FZD10: variants seen among roughly 807,000 people sequenced by gnomAD.
The protein encoded by FZD10 is frizzled class receptor 10.
Under a neutral mutation model 24.4 loss-of-function variants are expected in FZD10, and 14 were observed. That is an observed-to-expected ratio of 0.57 (90% CI 0.38 to 0.90). The LOEUF (loss-of-function observed/expected upper bound fraction) is 0.90, where lower values mean the gene tolerates loss of function less well. Ranked by LOEUF, FZD10 falls within the 40% of genes least tolerant of loss-of-function variation. The pLI is 0.00. For synonymous variants in FZD10, 381 were observed against 349.1 expected (o/e 1.09, Z -1.02); for missense variants, 775 against 816.6 (o/e 0.95, Z 0.62).
At position 130,163,287 on chromosome 12, in the gene FZD10, C is replaced by T; in HGVS notation, c.345C>T (p.Leu115=). The change falls in exon 1 of 1, where the codon CTC becomes CTT. Residue 115 remains leucine, a synonymous_variant. Transcript: ENST00000229030. ...GGGTCATGTGCGAGCAGGCCCGGCT[C>T]AAGTGCTCCCCGATTATGGAGCAGT... is the stretch of plus-strand genomic sequence containing the variant. ...ACRVMCEQAR[L]KCSPIMEQFN... The T allele has an allele frequency of 1.2e-6, 2 of 1,613,142 alleles. No individual in the cohort carries two copies. Among genetic ancestry groups the T allele is most frequent in the Non-Finnish European group, 1.7e-6 (2 of 1,179,984 alleles).
rs960149062 is a variant in FZD10 at position 130,164,183 on chromosome 12, T to C, written c.1241T>C (p.Leu414Pro). The C allele has an allele frequency of 1.2e-6, 2 of 1,613,976 alleles. No individual in the cohort carries two copies. The highest frequency in any genetic ancestry group is 1.3e-5 in the African/African-American group (1 of 74,910). ...CTGGTCATCGGCACGTCCTTCATCCTCTCGGGCTTCGTGGCCCTGTTCCAC... is the reference window on the plus strand; with the variant it reads ...CTGGTCATCGGCACGTCCTTCATCCCCTCGGGCTTCGTGGCCCTGTTCCAC... ...CYLVIGTSFI[L>P]SGFVALFHIR... The change falls in exon 1 of 1, where the codon CTC becomes CCC. Residue 414 changes from leucine (L) to proline (P), a missense_variant. Physicochemically the swap from Leu to Pro is moderately conservative, Grantham distance 98 (BLOSUM62 -3). Transcript: ENST00000229030. The surrounding 1 kb of genome is among the most constrained non-coding windows in gnomAD (Gnocchi z 5.3).
Position 130,162,975 on chromosome 12 carries a change from C to T in FZD10, c.33C>T (p.Val11=). The change falls in exon 1 of 1, where the codon GTC becomes GTT. Residue 11 remains valine, a synonymous_variant. Transcript: ENST00000229030. ...GCCCGGGCCCCCGCCTGTGGCTGGTCCTGCAGGTGATGGGCTCGTGCGCCG... is the reference window on the plus strand; with the variant it reads ...GCCCGGGCCCCCGCCTGTGGCTGGTTCTGCAGGTGATGGGCTCGTGCGCCG... MQRPGPRLWL[V]LQVMGSCAAI... is the part of the protein sequence containing the mutation. 1 of 1,559,848 alleles carries T rather than the reference C, an allele frequency of 6.4e-7. No individual in the cohort carries two copies. The highest frequency in any genetic ancestry group is 8.7e-7 in the Non-Finnish European group (1 of 1,152,702).
Position 130,163,164 on chromosome 12 carries a change from G to A in FZD10, c.222G>A (p.Leu74=). The change falls in exon 1 of 1, where the codon CTG becomes CTA. Residue 74 remains leucine, a synonymous_variant. Transcript: ENST00000229030. ...AAIQLHEFAP[L]VEYGCHGHLR... ...TCCAGTTGCACGAGTTCGCGCCGCT[G>A]GTGGAGTACGGCTGCCACGGCCACC... is the stretch of plus-strand genomic sequence containing the variant. The A allele has an allele frequency of 6.2e-7, 1 of 1,612,656 alleles. No homozygotes were observed. The highest frequency in any genetic ancestry group is 8.5e-7 in the Non-Finnish European group (1 of 1,179,878).
rs1450300857 is a variant in FZD10 at position 130,165,007 on chromosome 12, C to T, written c.*319C>T. On this transcript the variant is annotated 3_prime_UTR_variant, in exon 1 of 1. Coordinates refer to ENST00000229030, the MANE Select transcript of FZD10 (RefSeq NM_007197.4). The stretch of plus-strand genomic sequence containing the variant: ...TTGTTTAGAGCCCTCCCTAAATATA[C>T]ATCTGTGTATTTGAGTTGGCTTTGC... 8.3e-6 allele frequency: 2 copies of T among 241,672 alleles called. No homozygotes were observed. The highest frequency in any genetic ancestry group is 1.7e-5 in the Non-Finnish European group (2 of 115,916). The allele number at this position is 241,672 out of a possible 1,614,324, so 15.0% of individuals were successfully genotyped here. A position where few individuals can be genotyped will look rare whatever the true frequency, so the allele number is the denominator to read the frequency against.
rs1593019753 is a variant in FZD10 at position 130,164,219 on chromosome 12, T to G, written c.1277T>G (p.Val426Gly). 6.2e-7 allele frequency: 1 copy of G among 1,613,918 alleles called. No homozygotes were observed. The change falls in exon 1 of 1, where the codon GTG (valine) becomes GGG (glycine). Residue 426 changes from valine (V) to glycine (G), a missense_variant. Coordinates refer to ENST00000229030, the MANE Select transcript of FZD10 (RefSeq NM_007197.4). This position sits in a 1 kb window ranked among gnomAD's most constrained non-coding sequence, Gnocchi z 5.3. ...GFVALFHIRR[V>G]MKTGGENTDK... ...GTGGCCCTGTTCCACATCCGGAGGG[T>G]GATGAAGACGGGCGGCGAGAACACG...
chr12:130,162,906 G>C lies in FZD10; in HGVS notation c.-37G>C. ...TGCCCGGGAGCGGCGGCGCTGAGGG[G>C]CGCGGAGCTCCCCGCGAGGACACGT... On this transcript the variant is annotated 5_prime_UTR_variant, in exon 1 of 1. Coordinates refer to ENST00000229030, the MANE Select transcript of FZD10 (RefSeq NM_007197.4). 1.4e-6 allele frequency: 2 copies of C among 1,436,384 alleles called. No homozygotes were observed. The highest frequency in any genetic ancestry group is 1.4e-5 in the South Asian group (1 of 70,512). 89.0% of individuals were successfully genotyped at this position (1,436,384 alleles called of 1,614,324 possible).
In FZD10 at chr12:130,164,368, G is replaced by A. The variant is rs1200170747; in HGVS notation, c.1426G>A (p.Ala476Thr). Residue 476 changes from alanine to threonine, a missense_variant, in exon 1 of 1, where the codon GCG becomes ACG. Ala to Thr is a moderately conservative substitution (Grantham distance 58). Coordinates refer to ENST00000229030, the MANE Select transcript of FZD10 (RefSeq NM_007197.4). The surrounding 1 kb of genome is among the most constrained non-coding windows in gnomAD (Gnocchi z 5.3). The stretch of plus-strand genomic sequence containing the variant: ...CAACATGGATTACTGGAAGATCCTG[G>A]CGGCGCAGCACAAGTGCAAAATGAA... ...RLNMDYWKIL[A>T]AQHKCKMNNQ... The A allele has an allele frequency of 2.5e-6, 4 of 1,614,106 alleles. No individual in the cohort carries two copies. In the South Asian group the frequency reaches 4.4e-5, roughly 18 times the overall value.
In FZD10 at chr12:130,164,715, G is replaced by T; in HGVS notation, c.*27G>T. 2.7e-6 allele frequency: 4 copies of T among 1,493,808 alleles called. No homozygotes were observed. The highest frequency in any genetic ancestry group is 3.6e-6 in the Non-Finnish European group (4 of 1,104,416). 92.5% of individuals were successfully genotyped at this position (1,493,808 alleles called of 1,614,324 possible). On this transcript the variant is annotated 3_prime_UTR_variant, in exon 1 of 1. Coordinates refer to ENST00000229030, the MANE Select transcript of FZD10 (RefSeq NM_007197.4). This position sits in a 1 kb window ranked among gnomAD's most constrained non-coding sequence, Gnocchi z 5.3. ...CAGGGCTGGAGGGAAGGGCACAGGG[G>T]CGCCCGGAGCTAAGATGTGGTGCTT...
chr12:130,163,712 G>A lies in FZD10; in HGVS notation c.770G>A (p.Arg257His), dbSNP rs1871733498. ...TTCCTCATCGACCCGGCCCGCTTCC[G>A]CTACCCCGAGCGCCCCATCATCTTC... is the stretch of plus-strand genomic sequence containing the variant. ...LTFLIDPARF[R>H]YPERPIIFLS... Residue 257 changes from arginine to histidine, a missense_variant, in exon 1 of 1, where the codon CGC becomes CAC. Arg to His is a conservative substitution (Grantham distance 29). Coordinates refer to ENST00000229030, the MANE Select transcript of FZD10 (RefSeq NM_007197.4). 1.2e-6 allele frequency: 2 copies of A among 1,613,784 alleles called. No individual in the cohort carries two copies. Among genetic ancestry groups the A allele is most frequent in the Non-Finnish European group, 1.7e-6 (2 of 1,180,032 alleles).
chr12:130,163,237 G>C lies in FZD10; in HGVS notation c.295G>C (p.Val99Leu), dbSNP rs1404656452. The change falls in exon 1 of 1, where the codon GTC becomes CTC. Residue 99 changes from valine to leucine, a missense_variant. Transcript: ENST00000229030. Reference sequence around the variant, plus strand: ...GTACGCGCCGATGTGCACCGAGCAGGTCTCTACCCCCATCCCCGCCTGCCG... The same window carrying C: ...GTACGCGCCGATGTGCACCGAGCAGCTCTCTACCCCCATCCCCGCCTGCCG... ...SLYAPMCTEQ[V>L]STPIPACRVM... The C allele has an allele frequency of 1.2e-6, 2 of 1,612,924 alleles. No individual in the cohort carries two copies. Among genetic ancestry groups the C allele is most frequent in the Non-Finnish European group, 1.7e-6 (2 of 1,179,984 alleles).
In FZD10 at chr12:130,163,805, T is replaced by C; in HGVS notation, c.863T>C (p.Ile288Thr). ...CGCCTCTTCGCCGGCGCCGAGAGCA[T>C]CGCCTGCGACCGGGACAGCGGCCAG... ...LIRLFAGAES[I>T]ACDRDSGQLY... Residue 288 changes from isoleucine (I) to threonine (T), a missense_variant, in exon 1 of 1, where the codon ATC (isoleucine) becomes ACC (threonine). By Grantham distance (89) the Ile-to-Thr change is moderately conservative (BLOSUM62 -1). Coordinates refer to ENST00000229030, the MANE Select transcript of FZD10 (RefSeq NM_007197.4). The C allele has an allele frequency of 6.2e-7, 1 of 1,613,912 alleles. No homozygotes were observed. Among genetic ancestry groups the C allele is most frequent in the Non-Finnish European group, 8.5e-7 (1 of 1,180,024 alleles).
At position 130,162,930 on chromosome 12, in the gene FZD10, G is replaced by C; in HGVS notation, c.-13G>C. On this transcript the variant is annotated 5_prime_UTR_variant, in exon 1 of 1. Transcript: ENST00000229030. The stretch of plus-strand genomic sequence containing the variant: ...GGCGCGGAGCTCCCCGCGAGGACAC[G>C]TCCAACGCCAGCATGCAGCGCCCGG... 1 of 1,496,494 alleles carries C rather than the reference G, an allele frequency of 6.7e-7. No homozygotes were observed. The highest frequency in any genetic ancestry group is 1.4e-5 in the African/African-American group (1 of 72,000). 92.7% of individuals were successfully genotyped at this position (1,496,494 alleles called of 1,614,324 possible).
rs777626340 is a variant in FZD10 at position 130,163,581 on chromosome 12, C to G, written c.639C>G (p.Pro213=). ...CGTCGTGCGCGCCGCTCTGCACGCC[C>G]GGCGTGGACGTGTACTGGAGCCGCG... ...KSASCAPLCT[P]GVDVYWSRED... Residue 213 remains proline, a synonymous_variant, in exon 1 of 1, where the codon CCC becomes CCG. Transcript: ENST00000229030. 6.2e-7 allele frequency: 1 copy of G among 1,608,312 alleles called. No individual in the cohort carries two copies.
Position 130,163,048 on chromosome 12 carries a change from C to A in FZD10, c.106C>A (p.Pro36Thr), listed in dbSNP as rs773192478. The change falls in exon 1 of 1, where the codon CCC becomes ACC. Residue 36 changes from proline to threonine, a missense_variant. Coordinates refer to ENST00000229030, the MANE Select transcript of FZD10 (RefSeq NM_007197.4). ...MERPGDGKCQ[P>T]IEIPMCKDIG... ...GCGCCCGGGCGACGGCAAATGCCAG[C>A]CCATCGAGATCCCGATGTGCAAGGA... is the stretch of plus-strand genomic sequence containing the variant. 2 of 1,612,600 alleles carry A rather than the reference C, an allele frequency of 1.2e-6. No homozygotes were observed. The highest frequency in any genetic ancestry group is 1.7e-6 in the Non-Finnish European group (2 of 1,179,824).
chr12:130,164,212 C>T lies in FZD10; in HGVS notation c.1270C>T (p.Arg424Trp), dbSNP rs767950238. Reference sequence around the variant, plus strand: ...GGGCTTCGTGGCCCTGTTCCACATCCGGAGGGTGATGAAGACGGGCGGCGA... The same window carrying T: ...GGGCTTCGTGGCCCTGTTCCACATCTGGAGGGTGATGAAGACGGGCGGCGA... Reference protein sequence around the residue: ...LSGFVALFHIRRVMKTGGENT... With the variant: ...LSGFVALFHIWRVMKTGGENT... Residue 424 changes from arginine (R) to tryptophan (W), a missense_variant, in exon 1 of 1, where the codon CGG (arginine) becomes TGG (tryptophan). Coordinates refer to ENST00000229030, the MANE Select transcript of FZD10 (RefSeq NM_007197.4). The surrounding 1 kb of genome is among the most constrained non-coding windows in gnomAD (Gnocchi z 5.3). 2.2e-5 allele frequency: 36 copies of T among 1,613,994 alleles called. No individual in the cohort carries two copies. Among genetic ancestry groups the T allele is most frequent in the Non-Finnish European group, 3.0e-5 (35 of 1,180,044 alleles).
In FZD10 at chr12:130,163,585, G is replaced by A. The variant is rs1025577926; in HGVS notation, c.643G>A (p.Val215Met). The A allele has an allele frequency of 1.2e-6, 2 of 1,609,656 alleles. No individual in the cohort carries two copies. The highest frequency in any genetic ancestry group is 1.7e-6 in the Non-Finnish European group (2 of 1,177,872). Residue 215 changes from valine (V) to methionine (M), a missense_variant, in exon 1 of 1, where the codon GTG becomes ATG. By Grantham distance (21) the Val-to-Met change is conservative (BLOSUM62 1). Coordinates refer to ENST00000229030, the MANE Select transcript of FZD10 (RefSeq NM_007197.4). ...ASCAPLCTPG[V>M]DVYWSREDKR... is the part of the protein sequence containing the mutation. ...GTGCGCGCCGCTCTGCACGCCCGGC[G>A]TGGACGTGTACTGGAGCCGCGAGGA...
rs1243232122 is a variant in FZD10 at position 130,163,563 on chromosome 12, C to G, written c.621C>G (p.Cys207Trp). 1 of 1,602,326 alleles carries G rather than the reference C, an allele frequency of 6.2e-7. No individual in the cohort carries two copies. ...ACCACGTGGAGAAGAGCGCGTCGTG[C>G]GCGCCGCTCTGCACGCCCGGCGTGG... The part of the protein sequence containing the change: ...KFHHVEKSAS[C>W]APLCTPGVDV... Residue 207 changes from cysteine to tryptophan, a missense_variant, in exon 1 of 1, where the codon TGC becomes TGG. Cys to Trp is a radical substitution (Grantham distance 215). Transcript: ENST00000229030.
chr12:130,164,560 A>C lies in FZD10; in HGVS notation c.1618A>C (p.Lys540Gln). 6.2e-7 allele frequency: 1 copy of C among 1,612,990 alleles called. No homozygotes were observed. Among genetic ancestry groups the C allele is most frequent in the East Asian group, 2.2e-5 (1 of 44,866 alleles). The change falls in exon 1 of 1, where the codon AAG becomes CAG. Residue 540 changes from lysine to glutamine, a missense_variant. Transcript: ENST00000229030. The surrounding 1 kb of genome is among the most constrained non-coding windows in gnomAD (Gnocchi z 5.3). ...GCAGCAGGTGTGCAGCCGTAGGTTA[A>C]AGAAGAAGAGCCGGAGAAAACCGGC... is the stretch of plus-strand genomic sequence containing the variant. ...SWQQVCSRRLKKKSRRKPASV... is the reference protein window; with the variant it reads ...SWQQVCSRRLQKKSRRKPASV...
Position 130,163,306 on chromosome 12 carries a change from G to A in FZD10, c.364G>A (p.Glu122Lys), listed in dbSNP as rs1331833880. Reference protein sequence around the residue: ...QARLKCSPIMEQFNFKWPDSL... With the variant: ...QARLKCSPIMKQFNFKWPDSL... Reference sequence around the variant, plus strand: ...CCGGCTCAAGTGCTCCCCGATTATGGAGCAGTTCAACTTCAAGTGGCCCGA... The same window carrying A: ...CCGGCTCAAGTGCTCCCCGATTATGAAGCAGTTCAACTTCAAGTGGCCCGA... The change falls in exon 1 of 1, where the codon GAG becomes AAG. Residue 122 changes from glutamate to lysine, a missense_variant. Glu to Lys is a moderately conservative substitution (Grantham distance 56, BLOSUM62 1). Coordinates refer to ENST00000229030, the MANE Select transcript of FZD10 (RefSeq NM_007197.4). The A allele has an allele frequency of 1.9e-6, 3 of 1,613,168 alleles. No homozygotes were observed. Among genetic ancestry groups the A allele is most frequent in the Admixed American group, 3.3e-5 (2 of 60,034 alleles).
Sources: gnomAD v4.1 joint callset for allele counts on GRCh38, gnomAD v4.1.1 for gene constraint, Gnocchi (gnomAD v3.1) non-coding constraint, MANE v1.5 for transcripts, NCBI Gene and HGNC (gene_info 2026-07-23, HGNC 2026-07-21) for gene names.